JPT1: variants seen among roughly 807,000 people sequenced by gnomAD.
The protein encoded by JPT1 is Jupiter microtubule associated homolog 1, also known as androgen-regulated protein 2.
JPT1 carries 5 observed loss-of-function variants against 17.0 expected under a neutral mutation model. The ratio of observed to expected loss-of-function variants is 0.29; its 90% confidence interval spans 0.15 to 0.62. JPT1 has a LOEUF of 0.62. Ranked by LOEUF, JPT1 falls within the 20% of genes least tolerant of loss-of-function variation. The probability of loss-of-function intolerance (pLI) is 0.85; values close to 1 mark genes in which losing one functional copy is unlikely to be tolerated. For synonymous variants in JPT1, 71 were observed against 73.6 expected, an observed-to-expected ratio of 0.96 and a Z score of 0.18; for missense variants, 158 against 188.1, an observed-to-expected ratio of 0.84 and a Z score of 0.94.
At position 75,148,413 on chromosome 17, in the gene JPT1, T is replaced by TTTTTG. The variant is rs1248484753; in HGVS notation, c.199+111_199+115dup. The TTTTTG allele has an allele frequency of 1.0e-5, 13 of 1,249,748 alleles. No homozygotes were observed. The Admixed American group carries it at 1.2e-4, about 12-fold the overall frequency. The allele number at this position is 1,249,748 out of a possible 1,614,324, so 77.4% of individuals were successfully genotyped here. On this transcript the variant is annotated intron_variant, in intron 2 of 4. Coordinates refer to ENST00000409753, the MANE Select transcript of JPT1 (RefSeq NM_016185.4). ...GCACACTGCCACTACCACCAGCTAA[T>TTTTTG]TTTTGTTTTGTTTTGTTTTTTAGAC...
chr17:75,136,323 C>A, intron 4 of JPT1, 73 bp from the exon 5 acceptor site: 1 of 1,433,690 alleles, frequency 7.0e-7, no homozygotes, highest in South Asian at 1.5e-5. Context: ...ATCTGTTTCT[C>A]TTTTTCTTTT....
intron 4 of JPT1, 131 bp from the exon 5 acceptor site, chr17:75,136,381 A>G (rs980884732): frequency 2.5e-6 from 2 of 797,450 alleles, no homozygotes; most frequent in Non-Finnish European, 3.8e-6. Context: ...TAAACAAAAT[A>G]ATCACCCACC....
At chr17:75,140,921 C>G (rs1327850812) in intron 4 of JPT1, 3 of 152,156 alleles carry the variant, frequency 2.0e-5, no homozygotes, top group East Asian at 1.9e-4. Flanking sequence ...GAAATCCTGT[C>G]TCTACTGAAA....
intron 2 of JPT1, chr17:75,147,923 C>G: frequency 2.6e-6 from 1 of 386,064 alleles, no homozygotes; most frequent in Non-Finnish European, 4.9e-6. Flanking sequence ...CACTTGAACT[C>G]GGGAGGTGGA....
intron 4 of JPT1, among the ~76,000 whole-genome samples, chr17:75,138,774 A>C (rs890947347): frequency 6.6e-6 from 1 of 152,100 alleles, no homozygotes; most frequent in Non-Finnish European, 1.5e-5. Context: ...GAAGCAAACA[A>C]ACCTCCCTCT....
chr17:75,149,496 T>G (rs896875004), intron 1 of JPT1, among the ~76,000 whole-genome samples: 1 of 152,248 alleles, frequency 6.6e-6, no homozygotes, highest in African/African-American at 2.4e-5. Flanking sequence ...GCCTCCCGGA[T>G]AGCTGGGACT....
chr17:75,137,730 C>T (rs1241648805), intron 4 of JPT1, among the ~76,000 whole-genome samples: 1 of 132,946 alleles, frequency 7.5e-6, no homozygotes, highest in Non-Finnish European at 1.5e-5. Flanking sequence ...GGTCTTTAAC[C>T]TCTGCCTCCT....
chr17:75,147,414 C>A, intron 3 of JPT1, 142 bp downstream of exon 3: 1 of 597,384 alleles, frequency 1.7e-6, no homozygotes, highest in Non-Finnish European at 3.0e-6. Context: ...ATTTTACTAT[C>A]AATCTTCCAT....
At chr17:75,151,587 G>A (rs1038540442) in intron 1 of JPT1, among the ~76,000 whole-genome samples, 4 of 151,832 alleles carry the variant, frequency 2.6e-5, no homozygotes, top group African/African-American at 9.7e-5. Flanking sequence ...GCTTGAACCC[G>A]GGAGGCAGAG....
chr17:75,154,202 G>A (rs890627241), intron 1 of JPT1, 140 bp downstream of exon 1: 6 of 505,416 alleles, frequency 1.2e-5, no homozygotes, highest in Non-Finnish European at 1.2e-5. Context: ...CGGCGCCGAC[G>A]GCAGAACCCC....
At chr17:75,146,561 G>C (rs2074439111) in intron 4 of JPT1, 105 bp downstream of exon 4, 1 of 834,686 alleles carries the variant, frequency 1.2e-6, no homozygotes, top group Non-Finnish European at 1.9e-6. Context: ...GCATGGCCAG[G>C]TTTCACTCCC....
At chr17:75,148,097 T>TC (rs576993989) in intron 2 of JPT1, 1 of 227,278 alleles carries the variant, frequency 4.4e-6, no homozygotes, top group Admixed American at 5.1e-5. Flanking sequence ...GTTAAGCTGA[T>TC]CACTTAAACA....
chr17:75,143,268 A>C (rs890745793), intron 4 of JPT1, among the ~76,000 whole-genome samples: 3 of 152,192 alleles, frequency 2.0e-5, no homozygotes, highest in Admixed American at 2.0e-4. Context: ...CTCCATAAAA[A>C]ACCAAAAGGG....
At chr17:75,138,644 GT>G (rs2145160627) in intron 4 of JPT1, 1 of 152,088 alleles carries the variant, frequency 6.6e-6, no homozygotes, top group African/African-American at 2.4e-5. Context: ...CTGACCGCAA[GT>G]GATCCACCCA....
chr17:75,145,378 T>C (rs1213504259), intron 4 of JPT1: 1 of 152,228 alleles, frequency 6.6e-6, no homozygotes, highest in African/African-American at 2.4e-5. Context: ...GCCTGACACT[T>C]ACAAACCTTG....
intron 3 of JPT1, 62 bp downstream of exon 3, chr17:75,147,494 A>G (rs1457725366): frequency 8.8e-7 from 1 of 1,140,406 alleles, no homozygotes; most frequent in South Asian, 1.2e-5. Flanking sequence ...TGAAACTCTT[A>G]GTACAAATTT....
chr17:75,139,998 A>G (rs530210262), intron 4 of JPT1, among the ~76,000 whole-genome samples: 2 of 152,006 alleles, frequency 1.3e-5, no homozygotes, highest in Admixed American at 1.3e-4. Context: ...GGCGCAATCT[A>G]TCTCCACCTC....
chr17:75,149,862 T>TACACACACACACACAC (rs58993126), intron 1 of JPT1, among the ~76,000 whole-genome samples: 41 of 147,598 alleles, frequency 2.8e-4, no homozygotes, highest in African/African-American at 9.8e-4. Context: ...CTTACACACT[T>TACACACACACACACAC]ACACACACAC....
rs760187204 is a variant in JPT1, at chr17:75,147,620, T to C, written c.233A>G (p.Glu78Gly). ...GTTCCTTCTCTGCAGTCCAGATGAC[T>C]CCAAGTCTTCCCTGCCACCACTAGA... Reference protein sequence around the residue: ...AKSSGGREDLESSGLQRRNSS... With the variant: ...AKSSGGREDLGSSGLQRRNSS... The change falls in exon 3 of 5, where the codon GAG becomes GGG. Residue 78 changes from glutamate (E) to glycine (G), a missense_variant. By Grantham distance (98) the Glu-to-Gly change is moderately conservative. Transcript: ENST00000409753. 6.2e-7 allele frequency: 1 copy of C among 1,613,982 alleles called. No individual in the cohort carries two copies. Among genetic ancestry groups the C allele is most frequent in the South Asian group, 1.1e-5 (1 of 91,086 alleles).
Sources: allele counts gnomAD v4.1 joint callset (sites outside exome capture counted in the v4.1 genomes callset), GRCh38; gene constraint gnomAD v4.1.1; transcripts MANE v1.5; gene names NCBI Gene and HGNC (gene_info 2026-07-23, HGNC 2026-07-21).